CFAP92: variants seen among roughly 807,000 people sequenced by gnomAD.
The protein encoded by CFAP92 is uncharacterized protein CFAP92.
Under a neutral mutation model 106.3 loss-of-function variants are expected in CFAP92, and 86 were observed. The ratio of observed to expected loss-of-function variants is 0.81; its 90% CI spans 0.68 to 0.97. CFAP92 has a LOEUF of 0.97. CFAP92 is among the 50% of genes least tolerant of loss of function. The pLI, the probability that CFAP92 is intolerant of heterozygous loss-of-function variation, is 0.00. For missense variants in CFAP92, 1,204 were observed against 1,283.8 expected (o/e 0.94, Z 0.95); for synonymous variants, 477 against 506.4 (o/e 0.94, Z 0.78).
At chr3:129,023,584 G>A in the CFAP92 span, among the ~76,000 whole-genome samples, 1 of 152,062 alleles carries the variant, frequency 6.6e-6, no homozygotes, top group African/African-American at 2.4e-5. Context: ...CACCCGCCTC[G>A]GCCTCCCAAA....
chr3:128,912,449 A>ATGTT, intron 15 of CFAP92: 1 of 1,512,984 alleles, frequency 6.6e-7, no homozygotes, highest in Non-Finnish European at 9.2e-7. Context: ...CACTTCAGCC[A>ATGTT]TGTTTGTCTT....
At chr3:128,998,755 C>T (rs1944574998), upstream of CFAP92, among the ~76,000 whole-genome samples, 1 of 152,198 alleles carries the variant, frequency 6.6e-6, no homozygotes, top group Non-Finnish European at 1.5e-5. Flanking sequence ...AAAGAAACCA[C>T]AGCCAAGCTG....
intron 12 of CFAP92, among the ~76,000 whole-genome samples, chr3:128,920,113 TTAAAAC>T (rs1937146256): frequency 6.6e-6 from 1 of 152,100 alleles, no homozygotes; most frequent in Non-Finnish European, 1.5e-5. Flanking sequence ...GACAAGAACA[TTAAAAC>T]TAGTCTGGAC....
chr3:128,927,181 C>T (rs1278723655), intron 12 of CFAP92, among the ~76,000 whole-genome samples: 1 of 152,100 alleles, frequency 6.6e-6, no homozygotes, highest in African/African-American at 2.4e-5. Flanking sequence ...ATGGTGGCCA[C>T]CTACAAGCCA....
At chr3:128,961,077 C>T (rs1348719416) in intron 9 of CFAP92, among the ~76,000 whole-genome samples, 1 of 152,166 alleles carries the variant, frequency 6.6e-6, no homozygotes, top group East Asian at 1.9e-4. Context: ...GACCTAAAAC[C>T]TAAATGCCTT....
intron 10 of CFAP92, among the ~76,000 whole-genome samples, chr3:128,937,695 A>AT (rs1939190802): frequency 6.6e-6 from 1 of 152,164 alleles, no homozygotes; most frequent in African/African-American, 2.4e-5. Flanking sequence ...CAGTAGTTAT[A>AT]TAAGATGTCA....
chr3:128,925,669 ACTTAAAAAAAATCAAG>A (rs1937595460), intron 12 of CFAP92, among the ~76,000 whole-genome samples: 1 of 152,192 alleles, frequency 6.6e-6, no homozygotes, highest in South Asian at 2.1e-4. Flanking sequence ...AACTTTTAAA[ACTTAAAAAAAATCAAG>A]CTACAGATTT....
chr3:128,917,138 A>G (rs1242556543), intron 12 of CFAP92, among the ~76,000 whole-genome samples: 1 of 152,236 alleles, frequency 6.6e-6, no homozygotes, highest in Non-Finnish European at 1.5e-5. Context: ...CTAGGTCCTC[A>G]GACTTTGGAG....
At chr3:128,978,644 A>T (rs1296739630) in intron 4 of CFAP92, among the ~76,000 whole-genome samples, 1 of 152,186 alleles carries the variant, frequency 6.6e-6, no homozygotes, top group Non-Finnish European at 1.5e-5. Context: ...CCTCAGAAAT[A>T]ATACCACACA....
At chr3:128,925,532 T>TA (rs1465504918) in intron 12 of CFAP92, among the ~76,000 whole-genome samples, 4 of 151,824 alleles carry the variant, frequency 2.6e-5, no homozygotes, top group Non-Finnish European at 5.9e-5. Flanking sequence ...GACTGTAAAA[T>TA]AAAAAGTATG....
At chr3:128,989,080 G>A (rs1223293342) in intron 2 of CFAP92, among the ~76,000 whole-genome samples, 162 bp from the exon 3 acceptor site, 1 of 152,168 alleles carries the variant, frequency 6.6e-6, no homozygotes, top group Non-Finnish European at 1.5e-5. Context: ...AGCCAGCAGA[G>A]TAGCACGACC....
Position 128,910,771 on chromosome 3 carries a change from G to A in CFAP92, c.3281-438C>T, listed in dbSNP as rs1488601780. The A allele has an allele frequency of 1.9e-6, 3 of 1,614,208 alleles. No individual in the cohort carries two copies. In the South Asian group the frequency reaches 3.3e-5, roughly 18 times the overall value. ...CTTGGCCAACACCTTCTGCGTGGAA[G>A]CTTACTTGCAGAATCTCTTCAGCCT... On this transcript the variant is annotated intron_variant, in intron 15 of 15. Coordinates refer to ENST00000645291, the MANE Select transcript of CFAP92 (RefSeq NM_001394090.1).
At chr3:128,933,375 G>A (rs569260249) in intron 11 of CFAP92, among the ~76,000 whole-genome samples, 7 of 152,232 alleles carry the variant, frequency 4.6e-5, no homozygotes. Context: ...CGAGCCTCAG[G>A]GGGCTGGCTG....
the CFAP92 span, among the ~76,000 whole-genome samples, chr3:129,017,657 CTTCACAT>C: frequency 1.3e-5 from 2 of 152,212 alleles, no homozygotes; most frequent in Admixed American, 6.5e-5. Flanking sequence ...CCTTCTCACA[CTTCACAT>C]CTCTCTCACA....
intron 9 of CFAP92, among the ~76,000 whole-genome samples, chr3:128,961,522 C>T (rs1941920171): frequency 6.6e-6 from 1 of 152,166 alleles, no homozygotes; most frequent in Admixed American, 6.5e-5. Context: ...GACTAGCCCT[C>T]CCCCACCTGC....
chr3:129,002,473 G>A, intron 1 of CFAP92: 7 of 1,357,214 alleles, frequency 5.2e-6, no homozygotes, highest in East Asian at 3.1e-5. Context: ...CAGCACACTT[G>A]CATCTTGCCC....
At chr3:128,942,916 C>CTTT (rs36073693) in intron 10 of CFAP92, among the ~76,000 whole-genome samples, 110 of 84,952 alleles carry the variant, frequency 1.3e-3, no homozygotes, top group East Asian at 3.5e-3. Flanking sequence ...AAAACTCAAC[C>CTTT]TTTTTTTTTT....
chr3:128,938,845 T>C (rs1395736813), intron 10 of CFAP92, among the ~76,000 whole-genome samples: 1 of 152,046 alleles, frequency 6.6e-6, no homozygotes, highest in Non-Finnish European at 1.5e-5. Flanking sequence ...GATGAAGGTA[T>C]ACAGACTGAA....
chr3:128,956,254 A>G (rs761396510), intron 9 of CFAP92, among the ~76,000 whole-genome samples: 84 of 150,156 alleles, frequency 5.6e-4, no homozygotes, highest in African/African-American at 1.4e-3. Flanking sequence ...AAAAGAAATT[A>G]CCCAATCTGA....
Sources: allele counts gnomAD v4.1 joint callset (sites outside exome capture counted in the v4.1 genomes callset), GRCh38; gene constraint gnomAD v4.1.1; transcripts MANE v1.5; gene names NCBI Gene and HGNC (gene_info 2026-07-23, HGNC 2026-07-21).